The following PRKAG2 variants were observed in gnomAD, a reference collection of about 807,000 sequenced individuals.
The protein encoded by PRKAG2 is 5'-AMP-activated protein kinase subunit gamma-2.
A neutral mutation model predicts 69.6 loss-of-function variants in PRKAG2; 26 were observed. The observed-to-expected ratio is 0.37, with a 90% CI of 0.27 to 0.52. The LOEUF (loss-of-function observed/expected upper bound fraction) is 0.52. Among genes scored for constraint, PRKAG2 ranks in the 20% least tolerant of loss-of-function variants. The pLI is 0.90. For synonymous variants in PRKAG2, 293 were observed against 285.0 expected (o/e 1.03, Z -0.28); for missense variants, 557 against 740.0 (o/e 0.75, Z 2.87).
chr7:151,733,995 T>C (rs1433220270), intron 3 of PRKAG2, among the ~76,000 whole-genome samples: 1 of 152,132 alleles, frequency 6.6e-6, no homozygotes, highest in Non-Finnish European at 1.5e-5. Flanking sequence ...GCACCTGGCC[T>C]ACATTCACCT....
chr7:151,561,979 G>T (rs1297325329), intron 14 of PRKAG2, among the ~76,000 whole-genome samples: 2 of 147,784 alleles, frequency 1.4e-5, no homozygotes, highest in Non-Finnish European at 3.0e-5. Context: ...GGGTGCGGTG[G>T]CTCACGCCTG....
At chr7:151,687,321 A>G (rs1372696205) in intron 3 of PRKAG2, among the ~76,000 whole-genome samples, 3 of 121,560 alleles carry the variant, frequency 2.5e-5, no homozygotes, top group African/African-American at 8.4e-5. Context: ...GTTGCCACTT[A>G]GAAAGCAGTC....
At chr7:151,679,651 C>G in intron 3 of PRKAG2, among the ~76,000 whole-genome samples, 1 of 152,188 alleles carries the variant, frequency 6.6e-6, no homozygotes, top group Non-Finnish European at 1.5e-5. Context: ...GCAGAGAAAC[C>G]CCTCTGGGGG....
intron 1 of PRKAG2, among the ~76,000 whole-genome samples, chr7:151,842,709 G>A (rs956315077): frequency 2.6e-5 from 4 of 151,362 alleles, no homozygotes; most frequent in Admixed American, 6.6e-5. Flanking sequence ...TGATGGTAGC[G>A]ATGGTAGGTA....
chr7:151,684,745 G>A (rs559250071), intron 3 of PRKAG2, among the ~76,000 whole-genome samples: 8 of 152,212 alleles, frequency 5.3e-5, no homozygotes, highest in Admixed American at 1.3e-4. Context: ...CAGTGTGGAG[G>A]TGAGAAATCC....
chr7:151,561,688 T>C (rs1000871025), intron 14 of PRKAG2, among the ~76,000 whole-genome samples: 1 of 152,144 alleles, frequency 6.6e-6, no homozygotes, highest in African/African-American at 2.4e-5. Context: ...ATCCCAGCAC[T>C]TTGGGAGGCC....
At chr7:151,800,840 C>T (rs113482139) in intron 1 of PRKAG2, among the ~76,000 whole-genome samples, 1,880 of 152,226 alleles carry the variant, frequency 0.012, 11 homozygotes, top group Middle Eastern at 0.038. Context: ...CTATGGACTT[C>T]GGTTAACAAT....
intron 1 of PRKAG2, among the ~76,000 whole-genome samples, chr7:151,790,880 C>G (rs1348530746): frequency 2.0e-5 from 3 of 152,234 alleles, no homozygotes; most frequent in Non-Finnish European, 2.9e-5. Context: ...AAGGGACTCA[C>G]GTCAAGATGG....
chr7:151,849,853 G>A (rs147277387), intron 1 of PRKAG2, among the ~76,000 whole-genome samples: 1 of 152,276 alleles, frequency 6.6e-6, no homozygotes, highest in Non-Finnish European at 1.5e-5. Flanking sequence ...TGCCAGAGAC[G>A]CCATATCCAC....
intron 1 of PRKAG2, among the ~76,000 whole-genome samples, chr7:151,847,966 C>CA (rs1347786987): frequency 6.6e-6 from 1 of 152,198 alleles, no homozygotes; most frequent in African/African-American, 2.4e-5. Flanking sequence ...AGTCAGGAAA[C>CA]ACTATGAATC....
At chr7:151,784,513 T>C (rs532354384) in intron 2 of PRKAG2, among the ~76,000 whole-genome samples, 8 of 152,126 alleles carry the variant, frequency 5.3e-5, no homozygotes, top group African/African-American at 1.9e-4. Flanking sequence ...CCCTGACAGC[T>C]GGCTAGGCTT....
At chr7:151,679,367 T>C (rs1380045400) in intron 3 of PRKAG2, among the ~76,000 whole-genome samples, 1 of 152,128 alleles carries the variant, frequency 6.6e-6, no homozygotes, top group Non-Finnish European at 1.5e-5. Flanking sequence ...CAACAAAGTC[T>C]CCAGCAGGGG....
intron 5 of PRKAG2, among the ~76,000 whole-genome samples, chr7:151,616,550 T>C (rs925974589): frequency 2.6e-5 from 4 of 152,208 alleles, no homozygotes; most frequent in African/African-American, 7.2e-5. Context: ...CCACAGACCC[T>C]TGAAGAAGGC....
intron 6 of PRKAG2, among the ~76,000 whole-genome samples, chr7:151,582,734 C>G (rs1053095415): frequency 1.1e-4 from 17 of 152,242 alleles, no homozygotes; most frequent in Non-Finnish European, 2.2e-4. Context: ...ATCATAAGCA[C>G]AGCAGCTCAC....
At chr7:151,576,716 G>A (rs1327952438) in intron 6 of PRKAG2, among the ~76,000 whole-genome samples, 1 of 152,050 alleles carries the variant, frequency 6.6e-6, no homozygotes, top group East Asian at 1.9e-4. Context: ...GGCTAAGCTC[G>A]TCTCGAACTC....
In PRKAG2 at chr7:151,777,665, C is replaced by A. The variant is rs558927761; in HGVS notation, c.466+3487G>T. ...AGGAGAAGGTCCAGCCTGGCCCACT[C>A]CATCCTGCATCCAGCCTCACAGGCT... On this transcript the variant is annotated intron_variant, in intron 3 of 15. Coordinates refer to ENST00000287878, the MANE Select transcript of PRKAG2 (RefSeq NM_016203.4). The surrounding 1 kb of genome is among the most constrained non-coding windows in gnomAD (Gnocchi z 4.3). Among the ~76,000 whole-genome samples, 1 of 152,238 alleles carries A rather than the reference C, an allele frequency of 6.6e-6. No homozygotes were observed. The highest frequency in any genetic ancestry group is 1.5e-5 in the Non-Finnish European group (1 of 68,040).
chr7:151,790,558 A>G (rs932242342), intron 1 of PRKAG2: 1 of 152,210 alleles, frequency 6.6e-6, no homozygotes, highest in Non-Finnish European at 1.5e-5. Flanking sequence ...ATGTGTTTGA[A>G]TTAACTCCCC....
chr7:151,637,360 C>G (rs1329871031), intron 4 of PRKAG2, among the ~76,000 whole-genome samples: 2 of 152,028 alleles, frequency 1.3e-5, no homozygotes, highest in African/African-American at 4.8e-5. Context: ...TGATAAGCAC[C>G]ATCAATTTCA....
intron 3 of PRKAG2, among the ~76,000 whole-genome samples, chr7:151,707,539 G>C (rs1838834030): frequency 6.6e-6 from 1 of 152,134 alleles, no homozygotes; most frequent in South Asian, 2.1e-4. Context: ...AGAGGAATGG[G>C]AATTTGAAGG....
Sources: allele counts gnomAD v4.1 joint callset (sites outside exome capture counted in the v4.1 genomes callset), GRCh38; gene constraint gnomAD v4.1.1; non-coding constraint Gnocchi (gnomAD v3.1); transcripts MANE v1.5; gene names NCBI Gene and HGNC (gene_info 2026-07-23, HGNC 2026-07-21).